Variants in CDYL2 observed in about 807,000 individuals in gnomAD.
CDYL2 encodes the protein chromodomain Y like 2.
CDYL2 carries 23 observed loss-of-function variants against 49.4 expected under a neutral mutation model. The ratio of observed to expected loss-of-function variants is 0.47; its 90% CI spans 0.34 to 0.66. The LOEUF is 0.66. CDYL2 is among the 30% of genes least tolerant of loss of function. The pLI is 0.01. For missense variants in CDYL2, 678 were observed against 656.4 expected (o/e 1.03, Z -0.36); for synonymous variants, 360 against 268.8 (o/e 1.34, Z -3.32).
chr16:80,609,042 C>A (rs1361092702), intron 5 of CDYL2, among the ~76,000 whole-genome samples: 1 of 152,212 alleles, frequency 6.6e-6, no homozygotes, highest in Non-Finnish European at 1.5e-5. Context: ...GGCAAGGGCA[C>A]TGCCCAGTCT....
At chr16:80,766,163 A>G (rs1363668719) in intron 1 of CDYL2, among the ~76,000 whole-genome samples, 2 of 152,064 alleles carry the variant, frequency 1.3e-5, no homozygotes, top group African/African-American at 4.8e-5. Context: ...CCACTGTTCC[A>G]AAACTGATTA....
intron 1 of CDYL2, among the ~76,000 whole-genome samples, chr16:80,706,697 G>A (rs1407202119): frequency 6.6e-6 from 1 of 152,184 alleles, no homozygotes; most frequent in Non-Finnish European, 1.5e-5. Flanking sequence ...ATGCCAAGAA[G>A]AATGAGATTG....
chr16:80,666,398 C>T (rs1909264166), intron 2 of CDYL2, among the ~76,000 whole-genome samples: 1 of 152,198 alleles, frequency 6.6e-6, no homozygotes, highest in African/African-American at 2.4e-5. Context: ...CATTCGCTCT[C>T]TCATAGCAAA....
At chr16:80,772,346 T>C (rs1906933390) in intron 1 of CDYL2, among the ~76,000 whole-genome samples, 1 of 152,156 alleles carries the variant, frequency 6.6e-6, no homozygotes, top group South Asian at 2.1e-4. Flanking sequence ...GGGCTTAAAA[T>C]ATACAGAAAT....
chr16:80,635,928 A>G (rs1328817714), intron 2 of CDYL2, among the ~76,000 whole-genome samples: 1 of 152,204 alleles, frequency 6.6e-6, no homozygotes, highest in Admixed American at 6.5e-5. Flanking sequence ...CAACAATCTG[A>G]TCTTTGACAA....
intron 6 of CDYL2, among the ~76,000 whole-genome samples, chr16:80,607,007 T>C (rs1410347584): frequency 6.6e-6 from 1 of 152,126 alleles, no homozygotes; most frequent in East Asian, 1.9e-4. Flanking sequence ...GTGAGAACAA[T>C]AGGGTTTCCT....
chr16:80,791,411 A>C (rs1337141896), intron 1 of CDYL2, among the ~76,000 whole-genome samples: 1 of 152,228 alleles, frequency 6.6e-6, no homozygotes, highest in Admixed American at 6.5e-5. Context: ...CAGATGAAAC[A>C]AGACAGACAA....
At chr16:80,735,246 G>A (rs2142544379) in intron 1 of CDYL2, 1 of 152,302 alleles carries the variant, frequency 6.6e-6, no homozygotes, top group South Asian at 2.1e-4. Context: ...CCAAGCTACT[G>A]TATTTGCCAG....
At chr16:80,686,474 T>A (rs2142479043) in intron 1 of CDYL2, among the ~76,000 whole-genome samples, 1 of 152,238 alleles carries the variant, frequency 6.6e-6, no homozygotes, top group East Asian at 1.9e-4. Flanking sequence ...TTTGACCCAA[T>A]AAAATTAAGT....
chr16:80,749,375 T>C (rs1906050539), intron 1 of CDYL2, among the ~76,000 whole-genome samples: 1 of 152,202 alleles, frequency 6.6e-6, no homozygotes, highest in Non-Finnish European at 1.5e-5. Flanking sequence ...ATGCAAAACA[T>C]GGTCTTTTCA....
At chr16:80,678,812 C>T (rs1909857556) in intron 2 of CDYL2, among the ~76,000 whole-genome samples, 2 of 151,100 alleles carry the variant, frequency 1.3e-5, no homozygotes, top group Non-Finnish European at 2.9e-5. Context: ...CACATGCACA[C>T]GTATGTTTAT....
At chr16:80,759,072 G>C (rs1313121587) in intron 1 of CDYL2, among the ~76,000 whole-genome samples, 1 of 105,204 alleles carries the variant, frequency 9.5e-6, no homozygotes, top group East Asian at 3.0e-4. Context: ...TACATACCTG[G>C]GTATAAATGT....
At chr16:80,618,196 T>C (rs1906916426) in intron 4 of CDYL2, among the ~76,000 whole-genome samples, 1 of 152,228 alleles carries the variant, frequency 6.6e-6, no homozygotes, top group Non-Finnish European at 1.5e-5. Flanking sequence ...CCCGCTGAGA[T>C]GGCAAATGTC....
At chr16:80,803,473 C>T (rs144502647) in intron 1 of CDYL2, among the ~76,000 whole-genome samples, 7,131 of 152,162 alleles carry the variant, frequency 0.047, 191 homozygotes, top group Middle Eastern at 0.058. Context: ...CCCGCAAGGG[C>T]CACCCCCACG....
At chr16:80,743,076 G>A (rs920429610) in intron 1 of CDYL2, among the ~76,000 whole-genome samples, 5 of 152,226 alleles carry the variant, frequency 3.3e-5, no homozygotes, top group Admixed American at 6.5e-5. Context: ...ACCGACGGAC[G>A]GACTCATTGA....
Position 80,684,939 on chromosome 16 carries a change from G to A in CDYL2, c.215C>T (p.Ser72Phe). Reference protein sequence around the residue: ...KDKRIKSGKQSSTSKLLRDSR... With the variant: ...KDKRIKSGKQFSTSKLLRDSR... ...GTCACGCAGCAGCTTGGAGGTACTG[G>A]ACTGCTTCCCTGACTTGATCCTCTT... The change falls in exon 2 of 7, where the codon TCC becomes TTC. Residue 72 changes from serine to phenylalanine, a missense_variant. By Grantham distance (155) the Ser-to-Phe change is radical (BLOSUM62 -2). This residue lies in a region of CDYL2 where 478 missense variants were observed against 427.0 expected (regional missense o/e 1.12). Coordinates refer to ENST00000570137, the MANE Select transcript of CDYL2 (RefSeq NM_152342.4). The A allele has an allele frequency of 6.2e-7, 1 of 1,614,174 alleles. No individual in the cohort carries two copies. The highest frequency in any genetic ancestry group is 8.5e-7 in the Non-Finnish European group (1 of 1,180,042).
intron 1 of CDYL2, among the ~76,000 whole-genome samples, chr16:80,783,991 T>G (rs1403002202): frequency 6.6e-6 from 1 of 152,214 alleles, no homozygotes; most frequent in East Asian, 1.9e-4. Context: ...ATTGTGAAAG[T>G]ACTAAATGCC....
intron 1 of CDYL2, among the ~76,000 whole-genome samples, chr16:80,721,912 T>G (rs1905011113): frequency 6.6e-6 from 1 of 152,172 alleles, no homozygotes; most frequent in Non-Finnish European, 1.5e-5. Flanking sequence ...TCAGGGACTG[T>G]ATTCCAGGCA....
At chr16:80,782,545 A>C (rs921306283) in intron 1 of CDYL2, among the ~76,000 whole-genome samples, 1 of 150,842 alleles carries the variant, frequency 6.6e-6, no homozygotes, top group Non-Finnish European at 1.5e-5. Context: ...AAAAAAAAAA[A>C]AAAAAAACTA....
Sources: allele counts gnomAD v4.1 joint callset (sites outside exome capture counted in the v4.1 genomes callset), GRCh38; gene constraint gnomAD v4.1.1; regional missense constraint gnomAD v4.1.1; transcripts MANE v1.5; gene names NCBI Gene and HGNC (gene_info 2026-07-23, HGNC 2026-07-21).